The following FHIT variants were observed in gnomAD, a reference collection of about 807,000 sequenced individuals.
The protein encoded by FHIT is fragile histidine triad diadenosine triphosphatase, also known as bis(5'-adenosyl)-triphosphatase.
In FHIT, 19 loss-of-function variants were observed where a neutral mutation model predicts 17.9. The ratio of observed to expected loss-of-function variants is 1.06; its 90% CI spans 0.74 to 1.56. FHIT has a LOEUF of 1.56. Ranked by LOEUF, FHIT falls within the 40% of genes most tolerant of loss-of-function variation. The pLI is 0.00. For synonymous variants in FHIT, 81 were observed against 69.7 expected, an observed-to-expected ratio of 1.16 and a Z score of -0.81; for missense variants, 248 against 189.2, an observed-to-expected ratio of 1.31 and a Z score of -1.82.
At chr3:60,154,825 T>C (rs7615407) in intron 5 of FHIT, among the ~76,000 whole-genome samples, 13,908 of 152,238 alleles carry the variant, frequency 0.091, 849 homozygotes, top group Non-Finnish European at 0.13. Context: ...AACTATTCAA[T>C]AGCAGAAAGA....
chr3:59,993,736 T>C (rs961096957), intron 7 of FHIT, among the ~76,000 whole-genome samples: 3 of 151,838 alleles, frequency 2.0e-5, no homozygotes, highest in Admixed American at 2.0e-4. Flanking sequence ...TTTCTTGATG[T>C]TGGAGGTGTA....
chr3:60,651,735 C>T (rs2107807820), intron 4 of FHIT, among the ~76,000 whole-genome samples: 1 of 152,256 alleles, frequency 6.6e-6, no homozygotes, highest in Non-Finnish European at 1.5e-5. Context: ...CTGCAACTTT[C>T]TGCATCTGCT....
At chr3:60,715,701 G>T (rs183398431) in intron 4 of FHIT, among the ~76,000 whole-genome samples, 3 of 151,684 alleles carry the variant, frequency 2.0e-5, no homozygotes, top group Admixed American at 6.6e-5. Flanking sequence ...CAGCACACCA[G>T]CATGGCACAT....
At chr3:60,745,405 G>A (rs1300184856) in intron 4 of FHIT, among the ~76,000 whole-genome samples, 3 of 152,176 alleles carry the variant, frequency 2.0e-5, no homozygotes, top group Admixed American at 6.5e-5. Context: ...AAGGAATAGA[G>A]TGATGAAGAT....
chr3:60,306,515 C>T (rs1381496259), intron 5 of FHIT, among the ~76,000 whole-genome samples: 2 of 152,180 alleles, frequency 1.3e-5, no homozygotes, highest in Non-Finnish European at 2.9e-5. Flanking sequence ...ACACGAATTA[C>T]TAAGATATCA....
intron 5 of FHIT, among the ~76,000 whole-genome samples, chr3:60,118,038 A>G (rs764251789): frequency 6.6e-6 from 1 of 152,194 alleles, no homozygotes; most frequent in Admixed American, 6.5e-5. Flanking sequence ...TTTGAGACCA[A>G]GGATATTATT....
chr3:60,461,655 T>C (rs75540235), intron 5 of FHIT, among the ~76,000 whole-genome samples: 7,167 of 152,234 alleles, frequency 0.047, 214 homozygotes, highest in Middle Eastern at 0.1. Flanking sequence ...GCTGAAGTCT[T>C]TTTTCTTCTG....
chr3:60,368,511 T>C (rs1477453323), intron 5 of FHIT, among the ~76,000 whole-genome samples: 1 of 152,074 alleles, frequency 6.6e-6, no homozygotes, highest in Admixed American at 6.5e-5. Flanking sequence ...ATTGGGTTAT[T>C]ATGAAGCATT....
intron 5 of FHIT, among the ~76,000 whole-genome samples, chr3:60,369,585 T>C (rs1428414563): frequency 6.6e-6 from 1 of 152,228 alleles, no homozygotes; most frequent in Non-Finnish European, 1.5e-5. Flanking sequence ...CTCTTGATCC[T>C]TTCACGCTTG....
intron 8 of FHIT, among the ~76,000 whole-genome samples, chr3:59,822,933 G>A (rs958934116): frequency 2.6e-5 from 4 of 152,130 alleles, no homozygotes; most frequent in African/African-American, 9.7e-5. Context: ...ATTCTTTCAG[G>A]TCGTAGATTT....
chr3:60,255,803 C>T (rs897918815), intron 5 of FHIT, among the ~76,000 whole-genome samples: 17 of 151,732 alleles, frequency 1.1e-4, no homozygotes, highest in Admixed American at 3.9e-4. Flanking sequence ...TGCAGTGAGC[C>T]GAGATTGTGC....
intron 4 of FHIT, among the ~76,000 whole-genome samples, chr3:60,563,067 T>C (rs187977533): frequency 2.6e-5 from 4 of 152,256 alleles, no homozygotes; most frequent in Admixed American, 1.3e-4. Flanking sequence ...AGAAGTAATA[T>C]GTTCTACGTG....
At chr3:60,756,327 T>A (rs545681494) in intron 4 of FHIT, among the ~76,000 whole-genome samples, 1 of 152,224 alleles carries the variant, frequency 6.6e-6, no homozygotes, top group African/African-American at 2.4e-5. Context: ...CCAACTCACA[T>A]TGTCCCTTAG....
In FHIT at chr3:60,208,784, A is replaced by G. The variant is rs543096215; in HGVS notation, c.104-194632T>C. Among the ~76,000 whole-genome samples the G allele has an allele frequency of 3.3e-5, 5 of 152,300 alleles. No individual in the cohort carries two copies. The South Asian group carries it at 1.0e-3, about 32-fold the overall frequency. ...ACAGGCAATCGATTTCTGTGTGGGC[A>G]AAAATTTTAGACCTTTTTTGTAGGT... On this transcript the variant is annotated intron_variant, in intron 5 of 9. Coordinates refer to ENST00000492590, the MANE Select transcript of FHIT (RefSeq NM_002012.4).
chr3:61,211,327 A>G (rs2039463516), intron 1 of FHIT, among the ~76,000 whole-genome samples: 1 of 152,174 alleles, frequency 6.6e-6, no homozygotes, highest in African/African-American at 2.4e-5. Context: ...CGATGGGCTT[A>G]AGAAACGGCG....
intron 3 of FHIT, among the ~76,000 whole-genome samples, chr3:60,957,444 A>G (rs190775321): frequency 8.7e-4 from 132 of 152,116 alleles, no homozygotes; most frequent in African/African-American, 2.3e-3. Flanking sequence ...TCACCGTGTT[A>G]GCCACGATGG....
At chr3:60,082,808 T>G (rs1703346981) in intron 5 of FHIT, among the ~76,000 whole-genome samples, 2 of 152,092 alleles carry the variant, frequency 1.3e-5, no homozygotes, top group South Asian at 4.1e-4. Context: ...TTTGTCCACT[T>G]TGTAATAGGG....
chr3:60,660,133 G>T (rs1057152064), intron 4 of FHIT, among the ~76,000 whole-genome samples: 1 of 151,612 alleles, frequency 6.6e-6, no homozygotes, highest in South Asian at 2.1e-4. Flanking sequence ...AAGGGGAAAA[G>T]AAAAAAAATG....
At chr3:59,760,704 G>C (rs1439999067) in intron 8 of FHIT, among the ~76,000 whole-genome samples, 1 of 152,150 alleles carries the variant, frequency 6.6e-6, no homozygotes, top group East Asian at 1.9e-4. Context: ...ATCAAAGGTA[G>C]TCACTTCCTG....
Sources: gnomAD v4.1 joint callset for allele counts (sites outside exome capture counted in the v4.1 genomes callset) on GRCh38, gnomAD v4.1.1 for gene constraint, MANE v1.5 for transcripts, NCBI Gene and HGNC (gene_info 2026-07-23, HGNC 2026-07-21) for gene names.